MED13L: variants seen among roughly 807,000 people sequenced by gnomAD.
MED13L encodes mediator of RNA polymerase II transcription subunit 13-like.
Under a neutral mutation model 220.9 loss-of-function variants are expected in MED13L, and 7 were observed. The ratio of observed to expected loss-of-function variants is 0.03; its 90% CI spans 0.02 to 0.06. The LOEUF is 0.06. Ranked by LOEUF, MED13L falls within the 10% of genes least tolerant of loss-of-function variation. The pLI is 1.00. For synonymous variants in MED13L, 1,011 were observed against 1,015.2 expected (o/e 1.00, Z 0.08); for missense variants, 1,965 against 2,760.5 (o/e 0.71, Z 6.46).
intron 26 of MED13L, among the ~76,000 whole-genome samples, chr12:115,971,298 G>A (rs953471492): frequency 5.3e-5 from 8 of 152,122 alleles, no homozygotes; most frequent in Admixed American, 1.3e-4. Context: ...AAGAAGTTAC[G>A]TAACTGCCCA....
chr12:116,067,253 G>A (rs1870018447), intron 4 of MED13L, among the ~76,000 whole-genome samples: 1 of 151,988 alleles, frequency 6.6e-6, no homozygotes, highest in Admixed American at 6.6e-5. Flanking sequence ...GTGTACCTCT[G>A]TATTTCATTC....
At chr12:115,970,941 T>G in intron 26 of MED13L, among the ~76,000 whole-genome samples, 171 bp from the exon 27 acceptor site, 1 of 152,304 alleles carries the variant, frequency 6.6e-6, no homozygotes, top group South Asian at 2.1e-4. Flanking sequence ...TCAGAGCACA[T>G]AGCTGTCTAT....
At chr12:116,061,869 A>T (rs1008846333) in intron 4 of MED13L, among the ~76,000 whole-genome samples, 1 of 151,816 alleles carries the variant, frequency 6.6e-6, no homozygotes, top group Non-Finnish European at 1.5e-5. Context: ...TTAGCCAGGC[A>T]TGGTGGCGGG....
intron 2 of MED13L, among the ~76,000 whole-genome samples, chr12:116,226,901 C>T (rs1869062559): frequency 6.7e-6 from 1 of 148,656 alleles, no homozygotes; most frequent in Non-Finnish European, 1.5e-5. Context: ...CAGATGCCTA[C>T]ACTATCTGGG....
At chr12:116,257,046 G>A (rs11614312) in intron 1 of MED13L, among the ~76,000 whole-genome samples, 22,850 of 151,988 alleles carry the variant, frequency 0.15, 1,931 homozygotes, top group Middle Eastern at 0.22. Flanking sequence ...ATCGTTTAGA[G>A]GTATACACAA....
In MED13L at chr12:115,986,311, G is replaced by A. The variant is rs897022203; in HGVS notation, c.4293C>T (p.Leu1431=). 5.0e-6 allele frequency: 8 copies of A among 1,613,912 alleles called. No homozygotes were observed. The East Asian group carries it at 6.7e-5, about 13-fold the overall frequency. The change falls in exon 19 of 31, where the codon CTC becomes CTT. Residue 1431 remains leucine (L), a synonymous_variant. Transcript: ENST00000281928. ...IVVCPENEAL[L]EGAKTFFRDL... ...CCCTGAAGAAAGTTTTGGCTCCTTCGAGCAAGGCCTCATTTTCTGGACACA... is the reference window on the plus strand; with the variant it reads ...CCCTGAAGAAAGTTTTGGCTCCTTCAAGCAAGGCCTCATTTTCTGGACACA...
At chr12:116,269,954 CTT>C (rs1159926558) in intron 1 of MED13L, among the ~76,000 whole-genome samples, 3 of 143,638 alleles carry the variant, frequency 2.1e-5, no homozygotes, top group Non-Finnish European at 3.1e-5. Context: ...AGGCAGTTTT[CTT>C]TTTTTTTTTC....
rs1873952985 is a variant in MED13L at position 116,277,292 on chromosome 12, C to G, written c.-161G>C. On this transcript the variant is annotated 5_prime_UTR_variant, in exon 1 of 31. Coordinates refer to ENST00000281928, the MANE Select transcript of MED13L (RefSeq NM_015335.5). ...GGGCCGGCGGGCAGGCGGGAGGCGC[C>G]GCGGCGACGCCGCGCCGGGGGCAGC... 2 of 7,880 alleles carry G rather than the reference C, an allele frequency of 2.5e-4. No homozygotes were observed. The highest frequency in any genetic ancestry group is 0.012 in the South Asian group (2 of 162). 0.5% of individuals were successfully genotyped at this position (7,880 alleles called of 1,614,324 possible).
At chr12:116,042,132 G>T (rs1365447186) in intron 4 of MED13L, among the ~76,000 whole-genome samples, 1 of 152,138 alleles carries the variant, frequency 6.6e-6, no homozygotes, top group East Asian at 1.9e-4. Context: ...GCAACAGACT[G>T]GTCAATACTT....
chr12:116,156,377 T>G (rs1878432769), intron 2 of MED13L, among the ~76,000 whole-genome samples: 1 of 142,988 alleles, frequency 7.0e-6, no homozygotes, highest in South Asian at 2.2e-4. Context: ...GGCAGCACAG[T>G]GTAAATGTAA....
intron 17 of MED13L, among the ~76,000 whole-genome samples, chr12:115,989,218 C>G (rs1256857252): frequency 6.6e-6 from 1 of 152,158 alleles, no homozygotes; most frequent in African/African-American, 2.4e-5. Flanking sequence ...TTCACACAAC[C>G]CTTCCAGTCT....
chr12:116,049,666 G>T (rs1006741152), intron 4 of MED13L, among the ~76,000 whole-genome samples: 5 of 152,144 alleles, frequency 3.3e-5, no homozygotes, highest in South Asian at 4.1e-4. Flanking sequence ...TATTGGTATT[G>T]AGCCTAAAAA....
chr12:116,114,074 T>G (rs1448257230), intron 2 of MED13L, among the ~76,000 whole-genome samples: 1 of 152,168 alleles, frequency 6.6e-6, no homozygotes. Flanking sequence ...AATTCTCTCT[T>G]AAGTCTTCTT....
chr12:115,991,841 A>G lies in MED13L; in HGVS notation c.3113T>C (p.Leu1038Pro). Residue 1038 changes from leucine to proline, a missense_variant, in exon 17 of 31, where the codon CTA becomes CCA. Physicochemically the swap from Leu to Pro is moderately conservative, Grantham distance 98. Transcript: ENST00000281928. This position sits in a 1 kb window ranked among gnomAD's most constrained non-coding sequence, Gnocchi z 7.7. ...APASNSGAGVLPSPATPRFSV... is the reference protein window; with the variant it reads ...APASNSGAGVPPSPATPRFSV... ...GAAGCGAGGGGTTGCTGGAGATGGT[A>G]GGACTCCTGCCCCACTATTGCTGGC... The G allele has an allele frequency of 6.2e-7, 1 of 1,610,994 alleles. No individual in the cohort carries two copies. The highest frequency in any genetic ancestry group is 8.5e-7 in the Non-Finnish European group (1 of 1,179,968).
At chr12:116,248,396 A>G (rs944787372) in intron 1 of MED13L, among the ~76,000 whole-genome samples, 3 of 152,130 alleles carry the variant, frequency 2.0e-5, no homozygotes, top group African/African-American at 7.2e-5. Flanking sequence ...TTAATCATAG[A>G]TATGGGGGGT....
At chr12:116,234,763 T>A (rs1369548478) in intron 2 of MED13L, among the ~76,000 whole-genome samples, 1 of 152,034 alleles carries the variant, frequency 6.6e-6, no homozygotes, top group East Asian at 1.9e-4. Flanking sequence ...GTTTAAGTGA[T>A]CCTCCAGCCC....
At chr12:116,268,760 A>G (rs1397972413) in intron 1 of MED13L, among the ~76,000 whole-genome samples, 1 of 152,228 alleles carries the variant, frequency 6.6e-6, no homozygotes, top group Non-Finnish European at 1.5e-5. Flanking sequence ...ACTCCCCACC[A>G]TAAAACTTGT....
At position 116,141,319 on chromosome 12, in the gene MED13L, T is replaced by C. The variant is rs535907837; in HGVS notation, c.311-29807A>G. 1.8e-4 allele frequency among the ~76,000 whole-genome samples: 28 copies of C among 152,306 alleles called. No homozygotes were observed. The South Asian group carries it at 5.6e-3, about 30-fold the overall frequency. ...TATAAACATTAGGTGGCAGCAGCAG[T>C]ACACTGTATTATAATCCTGAAGTTG... On this transcript the variant is annotated intron_variant, in intron 2 of 30. Transcript: ENST00000281928.
intron 3 of MED13L, among the ~76,000 whole-genome samples, chr12:116,102,574 T>C (rs189412457): frequency 6.6e-6 from 1 of 152,108 alleles, no homozygotes; most frequent in African/African-American, 2.4e-5. Context: ...AAATCAAATA[T>C]ATATGCAAAG....
Sources: allele counts gnomAD v4.1 joint callset (sites outside exome capture counted in the v4.1 genomes callset), GRCh38; gene constraint gnomAD v4.1.1; non-coding constraint Gnocchi (gnomAD v3.1); transcripts MANE v1.5; gene names NCBI Gene and HGNC (gene_info 2026-07-23, HGNC 2026-07-21).